ADCY9: variants seen among roughly 807,000 people sequenced by gnomAD.
The protein encoded by ADCY9 is adenylate cyclase type 9.
In ADCY9, 50 loss-of-function variants were observed where a neutral mutation model predicts 101.5. The observed-to-expected ratio is 0.49, with a 90% CI of 0.39 to 0.62. The LOEUF is 0.62. ADCY9 is among the 20% of genes least tolerant of loss of function. The pLI, the probability that ADCY9 is intolerant of heterozygous loss-of-function variation, is 0.00. For synonymous variants in ADCY9, 905 were observed against 769.3 expected (o/e 1.18, Z -2.92); for missense variants, 1,662 against 1,800.4 (o/e 0.92, Z 1.39).
chr16:3,962,223 T>G (rs1037869716), downstream of ADCY9, among the ~76,000 whole-genome samples: 1 of 152,086 alleles, frequency 6.6e-6, no homozygotes, highest in Non-Finnish European at 1.5e-5. Flanking sequence ...GCTTTGTGAC[T>G]TCCTCAAAAC....
At chr16:4,065,995 C>T (rs1197903543) in intron 2 of ADCY9, among the ~76,000 whole-genome samples, 3 of 152,226 alleles carry the variant, frequency 2.0e-5, no homozygotes, top group Admixed American at 6.5e-5. Context: ...TGAGCCTCCG[C>T]GCCTGGACTA....
At chr16:4,044,302 G>A (rs1264146734) in intron 2 of ADCY9, among the ~76,000 whole-genome samples, 2 of 151,578 alleles carry the variant, frequency 1.3e-5, no homozygotes, top group African/African-American at 4.9e-5. Flanking sequence ...GGCTGAGATC[G>A]CACCACTGCA....
chr16:3,993,846 A>C (rs146970024), intron 3 of ADCY9, among the ~76,000 whole-genome samples: 28 of 152,302 alleles, frequency 1.8e-4, no homozygotes, highest in Middle Eastern at 3.4e-3. Context: ...AGCATGGTGA[A>C]CCTCGAAAAC....
At position 3,992,709 on chromosome 16, in the gene ADCY9, T is replaced by C. The variant is rs1360407376; in HGVS notation, c.1990-346A>G. Among the ~76,000 whole-genome samples the C allele has an allele frequency of 6.6e-6, 1 of 151,842 alleles. No individual in the cohort carries two copies. The highest frequency in any genetic ancestry group is 1.5e-5 in the Non-Finnish European group (1 of 67,916). On this transcript the variant is annotated intron_variant, in intron 4 of 10. Transcript: ENST00000294016. The surrounding 1 kb of genome is among the most constrained non-coding windows in gnomAD (Gnocchi z 4.2). Reference sequence around the variant, plus strand: ...GAGTCTGCTTAGGCCAGAACCACGGTTCTGGGAGCAGGGTGCATGGGTCGG... The same window carrying C: ...GAGTCTGCTTAGGCCAGAACCACGGCTCTGGGAGCAGGGTGCATGGGTCGG...
At position 4,105,080 on chromosome 16, in the gene ADCY9, AC is replaced by A. The variant is rs200500113; in HGVS notation, c.1693+8669del. Among the ~76,000 whole-genome samples, 812 of 151,858 alleles carry A rather than the reference AC, an allele frequency of 5.3e-3. 6 individuals carry two copies. The highest frequency in any genetic ancestry group is 0.018 in the African/African-American group (744 of 41,346). On this transcript the variant is annotated intron_variant, in intron 2 of 10. Transcript: ENST00000294016. ...GGGAAAAAAATCCACCAAAAAAAAA[AC>A]AAAAAACTTCAACCGTTTATTAATC... is the stretch of plus-strand genomic sequence containing the variant.
intron 5 of ADCY9, among the ~76,000 whole-genome samples, chr16:3,953,819 G>A (rs1265422907): frequency 1.7e-4 from 26 of 152,234 alleles, no homozygotes; most frequent in Non-Finnish European, 5.9e-5. Context: ...ACCACGAACA[G>A]CAAAAACATC....
At chr16:3,975,830 C>G (rs1458084238) in intron 9 of ADCY9, among the ~76,000 whole-genome samples, 2 of 152,076 alleles carry the variant, frequency 1.3e-5, no homozygotes, top group African/African-American at 4.8e-5. Context: ...TGAATGGAAG[C>G]TTAATGGGTT....
chr16:4,080,654 A>G (rs1395994923), intron 2 of ADCY9, among the ~76,000 whole-genome samples: 1 of 152,086 alleles, frequency 6.6e-6, no homozygotes, highest in East Asian at 1.9e-4. Context: ...GAAACAATAA[A>G]AAATATATAC....
intron 2 of ADCY9, among the ~76,000 whole-genome samples, chr16:4,101,069 C>T (rs1174141945): frequency 6.6e-6 from 1 of 152,150 alleles, no homozygotes; most frequent in African/African-American, 2.4e-5. Context: ...ATTTAATCCT[C>T]GCAGCAATTC....
chr16:3,968,748 C>A (rs938744072), intron 10 of ADCY9, among the ~76,000 whole-genome samples: 1 of 152,126 alleles, frequency 6.6e-6, no homozygotes, highest in African/African-American at 2.4e-5. Context: ...TATCTTTGTG[C>A]GTATGGAAGT....
chr16:4,001,088 C>G (rs55888849), intron 3 of ADCY9, among the ~76,000 whole-genome samples: 14,613 of 151,926 alleles, frequency 0.096, 908 homozygotes, highest in Admixed American at 0.14. Flanking sequence ...CATATATCCT[C>G]CGTACATACT....
chr16:4,112,999 C>T (rs1018010272), intron 2 of ADCY9, among the ~76,000 whole-genome samples: 2 of 152,024 alleles, frequency 1.3e-5, no homozygotes, highest in African/African-American at 4.8e-5. Context: ...CAGATCCAAA[C>T]CTGAGAGGAT....
chr16:3,985,631 G>A (rs920156626), intron 6 of ADCY9, among the ~76,000 whole-genome samples: 5 of 152,116 alleles, frequency 3.3e-5, no homozygotes, highest in Non-Finnish European at 7.4e-5. Flanking sequence ...GTGGGCTGCC[G>A]TCCTTCTGAG....
At chr16:3,999,325 C>T (rs968634964) in intron 3 of ADCY9, among the ~76,000 whole-genome samples, 3 of 152,178 alleles carry the variant, frequency 2.0e-5, no homozygotes, top group African/African-American at 7.2e-5. Context: ...AGTCGGGCCC[C>T]CATCCACGCA....
At chr16:4,018,754 T>G (rs978959188) in intron 2 of ADCY9, among the ~76,000 whole-genome samples, 6 of 152,162 alleles carry the variant, frequency 3.9e-5, no homozygotes, top group Non-Finnish European at 8.8e-5. Flanking sequence ...GCTGACAGTT[T>G]CCCAGACTGT....
intron 2 of ADCY9, among the ~76,000 whole-genome samples, chr16:4,078,573 A>C (rs2056882483): frequency 2.8e-5 from 2 of 70,568 alleles, no homozygotes; most frequent in Middle Eastern, 7.4e-3. Flanking sequence ...AAAAAAAAAA[A>C]AGAAAACAAA....
intron 2 of ADCY9, among the ~76,000 whole-genome samples, chr16:4,092,869 A>C (rs1053787961): frequency 6.6e-6 from 1 of 152,234 alleles, no homozygotes; most frequent in African/African-American, 2.4e-5. Flanking sequence ...AACCAGGAGC[A>C]AATGTGATAC....
intron 2 of ADCY9, among the ~76,000 whole-genome samples, chr16:4,106,487 C>T (rs578113287): frequency 6.6e-6 from 1 of 152,288 alleles, no homozygotes; most frequent in African/African-American, 2.4e-5. Context: ...AAATTCCCTC[C>T]AGGGATGCTA....
chr16:4,077,384 A>T (rs1404666627), intron 2 of ADCY9, among the ~76,000 whole-genome samples: 1 of 152,098 alleles, frequency 6.6e-6, no homozygotes, highest in Admixed American at 6.6e-5. Flanking sequence ...CCCTTCCCCA[A>T]CGTCCTTTAG....
Sources: allele counts gnomAD v4.1 joint callset (sites outside exome capture counted in the v4.1 genomes callset), GRCh38; gene constraint gnomAD v4.1.1; non-coding constraint Gnocchi (gnomAD v3.1); transcripts MANE v1.5; gene names NCBI Gene and HGNC (gene_info 2026-07-23, HGNC 2026-07-21).